The following C11orf68 variants were observed in gnomAD, a reference collection of about 807,000 sequenced individuals.
The protein encoded by C11orf68 is chromosome 11 open reading frame 68.
C11orf68 carries 3 observed loss-of-function variants against 4.7 expected under a neutral mutation model. That is an observed-to-expected ratio of 0.64 (90% CI 0.29 to 1.66). The LOEUF is 1.66. Ranked by LOEUF, C11orf68 falls within the 40% of genes most tolerant of loss-of-function variation. C11orf68 has a pLI of 0.10. For missense variants in C11orf68, 422 were observed against 408.0 expected, an observed-to-expected ratio of 1.03 and a Z score of -0.30; for synonymous variants, 186 against 167.8, an observed-to-expected ratio of 1.11 and a Z score of -0.84.
chr11:65,919,003 G>A lies in C11orf68; in HGVS notation c.29C>T (p.Ala10Val), dbSNP rs1002118650. 1.2e-4 allele frequency: 136 copies of A among 1,153,370 alleles called. No homozygotes were observed. The African/African-American group carries it at 2.0e-3, about 17-fold the overall frequency. The allele number at this position is 1,153,370 out of a possible 1,614,324, so 71.4% of individuals were successfully genotyped here. A position where few individuals can be genotyped will look rare whatever the true frequency, so the allele number is the denominator to read the frequency against. Residue 10 changes from alanine (A) to valine (V), a missense_variant, in exon 1 of 2, where the codon GCG (alanine) becomes GTG (valine). Physicochemically the swap from Ala to Val is moderately conservative, Grantham distance 64. Transcript: ENST00000438576. ...GCCACCGCCACCGCGCCCCACCCCC[G>A]CCACGGCCGCCGCCGCCGCCGCCGC... MAAAAAAAV[A>V]GVGRGGGGAE... is the part of the protein sequence containing the mutation.
chr11:65,917,308 AGTTCAAGGGGAC>A lies in C11orf68; in HGVS notation c.*139_*150del. ...GTGTCAGCCCTGAACAGAGGGCAGA[AGTTCAAGGGGAC>A]TGAAGATGCAGGTAGTTCCCAAGTG... On this transcript the variant is annotated 3_prime_UTR_variant, in exon 2 of 2. Transcript: ENST00000438576. 1.0e-6 allele frequency: 1 copy of A among 967,556 alleles called. No individual in the cohort carries two copies. The highest frequency in any genetic ancestry group is 1.6e-6 in the Non-Finnish European group (1 of 644,840). 59.9% of individuals were successfully genotyped at this position (967,556 alleles called of 1,614,324 possible).
In C11orf68 at chr11:65,917,809, C is replaced by G; in HGVS notation, c.532G>C (p.Gly178Arg). ...SGKWLMHLAPGFKLDHAWAGI... is the reference protein window; with the variant it reads ...SGKWLMHLAPRFKLDHAWAGI... ...GCCCAGGCGTGGTCCAGCTTGAAGCCCGGTGCCAGATGCATAAGCCACTTG... is the reference window on the plus strand; with the variant it reads ...GCCCAGGCGTGGTCCAGCTTGAAGCGCGGTGCCAGATGCATAAGCCACTTG... Residue 178 changes from glycine to arginine, a missense_variant, in exon 2 of 2, where the codon GGC becomes CGC. Transcript: ENST00000438576. 1 of 1,612,146 alleles carries G rather than the reference C, an allele frequency of 6.2e-7. No homozygotes were observed. Among genetic ancestry groups the G allele is most frequent in the Non-Finnish European group, 8.5e-7 (1 of 1,179,886 alleles).
Position 65,917,133 on chromosome 11 carries a change from G to A in C11orf68, c.*326C>T, listed in dbSNP as rs900890787. On this transcript the variant is annotated 3_prime_UTR_variant, in exon 2 of 2. Coordinates refer to ENST00000438576, the MANE Select transcript of C11orf68 (RefSeq NM_001135635.2). Reference sequence around the variant, plus strand: ...AGGGGAGATGCAGGAGGAAGGGGAGGTATAGCGGGGGATGAGCGTTCCAAG... The same window carrying A: ...AGGGGAGATGCAGGAGGAAGGGGAGATATAGCGGGGGATGAGCGTTCCAAG... The A allele has an allele frequency of 6.6e-6, 2 of 302,334 alleles. No homozygotes were observed. Among genetic ancestry groups the A allele is most frequent in the South Asian group, 6.4e-5 (1 of 15,548 alleles). 18.7% of individuals were successfully genotyped at this position (302,334 alleles called of 1,614,324 possible). A position where few individuals can be genotyped will look rare whatever the true frequency, so the allele number is the denominator to read the frequency against.
chr11:65,918,486 A>G, intron 1 of C11orf68: 2 of 416,400 alleles, frequency 4.8e-6, no homozygotes, highest in Non-Finnish European at 8.3e-6. Context: ...GGACTTGCCC[A>G]AGGTCACACC....
chr11:65,918,347 A>G, intron 1 of C11orf68, 129 bp from the exon 2 acceptor site: 1 of 1,110,866 alleles, frequency 9.0e-7, no homozygotes, highest in Middle Eastern at 2.3e-4. Flanking sequence ...ACAATGGGAT[A>G]ACAACTGTTC....
chr11:65,917,368 G>C lies in C11orf68; in HGVS notation c.*91C>G, dbSNP rs1854471185. ...GTGACCTAGGAGTCCCCAGAGCTGG[G>C]GGGTGTGGCCTTCATAGGACAAGGA... On this transcript the variant is annotated 3_prime_UTR_variant, in exon 2 of 2. Transcript: ENST00000438576. The C allele has an allele frequency of 2.0e-6, 3 of 1,473,824 alleles. No individual in the cohort carries two copies. In the Admixed American group the frequency reaches 6.4e-5, roughly 31 times the overall value. The allele number at this position is 1,473,824 out of a possible 1,614,324, so 91.3% of individuals were successfully genotyped here.
In C11orf68 at chr11:65,919,001, C is replaced by A. The variant is rs1474213091; in HGVS notation, c.31G>T (p.Gly11Trp). ...GCGCCACCGCCACCGCGCCCCACCCCCGCCACGGCCGCCGCCGCCGCCGCC... is the reference window on the plus strand; with the variant it reads ...GCGCCACCGCCACCGCGCCCCACCCACGCCACGGCCGCCGCCGCCGCCGCC... MAAAAAAAVA[G>W]VGRGGGGAEP... The change falls in exon 1 of 2, where the codon GGG (glycine) becomes TGG (tryptophan). Residue 11 changes from glycine (G) to tryptophan (W), a missense_variant. Transcript: ENST00000438576. 5.2e-6 allele frequency: 6 copies of A among 1,156,040 alleles called. No individual in the cohort carries two copies. Among genetic ancestry groups the A allele is most frequent in the Non-Finnish European group, 6.3e-6 (6 of 944,984 alleles). The allele number at this position is 1,156,040 out of a possible 1,614,324, so 71.6% of individuals were successfully genotyped here.
chr11:65,918,800 G>A (rs1188651505), intron 1 of C11orf68, 110 bp downstream of exon 1: 3 of 1,007,398 alleles, frequency 3.0e-6, no homozygotes, highest in Non-Finnish European at 3.6e-6. Context: ...GTTAGAGCCT[G>A]CAGGAGAGCC....
In C11orf68 at chr11:65,917,846, G is replaced by T; in HGVS notation, c.495C>A (p.His165Gln). The change falls in exon 2 of 2, where the codon CAC becomes CAA. Residue 165 changes from histidine (H) to glutamine (Q), a missense_variant. By Grantham distance (24) the His-to-Gln change is conservative (BLOSUM62 0). Coordinates refer to ENST00000438576, the MANE Select transcript of C11orf68 (RefSeq NM_001135635.2). Reference sequence around the variant, plus strand: ...GCATAAGCCACTTGCCCGAGAGCACGTGGTGGGTGATGGCGAGCTGGCGCA... The same window carrying T: ...GCATAAGCCACTTGCCCGAGAGCACTTGGTGGGTGATGGCGAGCTGGCGCA... ...GTLRQLAITH[H>Q]VLSGKWLMHL... 1 of 1,611,778 alleles carries T rather than the reference G, an allele frequency of 6.2e-7. No individual in the cohort carries two copies.
rs1161587570 is a variant in C11orf68, at chr11:65,918,976, G to GCGCCAC, written c.50_55dup (p.Gly17_Gly18dup). 142 of 1,184,348 alleles carry GCGCCAC rather than the reference G, an allele frequency of 1.2e-4. No homozygotes were observed. The highest frequency in any genetic ancestry group is 1.4e-4 in the Non-Finnish European group (132 of 959,250). 73.4% of individuals were successfully genotyped at this position (1,184,348 alleles called of 1,614,324 possible). A position where few individuals can be genotyped will look rare whatever the true frequency, so the allele number is the denominator to read the frequency against. ...CCGGCTCCGCTCCTGCCGTGGCTCC[G>GCGCCAC]CGCCACCGCCACCGCGCCCCACCCC... On this transcript the variant is annotated inframe_insertion, in exon 1 of 2. Coordinates refer to ENST00000438576, the MANE Select transcript of C11orf68 (RefSeq NM_001135635.2).
chr11:65,918,722 T>C (rs1854497340), intron 1 of C11orf68, among the ~76,000 whole-genome samples, 188 bp downstream of exon 1: 1 of 152,228 alleles, frequency 6.6e-6, no homozygotes. Flanking sequence ...ACGAGGACGC[T>C]GAAGTCCAGA....
chr11:65,918,767 T>C, intron 1 of C11orf68, 143 bp downstream of exon 1: 1 of 862,500 alleles, frequency 1.2e-6, no homozygotes, highest in Non-Finnish European at 1.4e-6. Flanking sequence ...AATGGGGCGG[T>C]TCCCAGACTC....
chr11:65,917,849 G>T lies in C11orf68; in HGVS notation c.492C>A (p.His164Gln). 3 of 1,611,848 alleles carry T rather than the reference G, an allele frequency of 1.9e-6. No homozygotes were observed. Among genetic ancestry groups the T allele is most frequent in the Non-Finnish European group, 2.5e-6 (3 of 1,179,952 alleles). Residue 164 changes from histidine (H) to glutamine (Q), a missense_variant, in exon 2 of 2, where the codon CAC (histidine) becomes CAA (glutamine). By Grantham distance (24) the His-to-Gln change is conservative. Coordinates refer to ENST00000438576, the MANE Select transcript of C11orf68 (RefSeq NM_001135635.2). ...PGTLRQLAITHHVLSGKWLMH... is the reference protein window; with the variant it reads ...PGTLRQLAITQHVLSGKWLMH... ...TAAGCCACTTGCCCGAGAGCACGTG[G>T]TGGGTGATGGCGAGCTGGCGCAGGG...
chr11:65,918,079 GC>G lies in C11orf68; in HGVS notation c.261del (p.Pro88LeufsTer115). ...DPWLVFDART[T>X]PATELDAWLA... ...AGCCAGGCATCCAGCTCAGTGGCAG[GC>G]GTTGTGCGGGCATCAAACACTAGCC... On this transcript the variant is annotated frameshift_variant, in exon 2 of 2. Coordinates refer to ENST00000438576, the MANE Select transcript of C11orf68 (RefSeq NM_001135635.2). LOFTEE classifies it low-confidence loss of function (END_TRUNC). 6.2e-7 allele frequency: 1 copy of G among 1,611,170 alleles called. No individual in the cohort carries two copies. The highest frequency in any genetic ancestry group is 8.5e-7 in the Non-Finnish European group (1 of 1,178,652).
chr11:65,917,233 G>A lies in C11orf68; in HGVS notation c.*226C>T. The A allele has an allele frequency of 3.5e-6, 2 of 575,010 alleles. No homozygotes were observed. Among genetic ancestry groups the A allele is most frequent in the Admixed American group, 3.2e-5 (1 of 30,816 alleles). The allele number at this position is 575,010 out of a possible 1,614,324, so 35.6% of individuals were successfully genotyped here. On this transcript the variant is annotated 3_prime_UTR_variant, in exon 2 of 2. Transcript: ENST00000438576. ...GAGAGGAGCAGCATTACAAAGGGAG[G>A]CTGAAGGCTCATCCCTCAGGGAACC...
At chr11:65,918,328 C>T in intron 1 of C11orf68, 110 bp from the exon 2 acceptor site, 1 of 1,265,948 alleles carries the variant, frequency 7.9e-7, no homozygotes, top group Non-Finnish European at 1.0e-6. Flanking sequence ...CCTCAGTTGC[C>T]TCATCTTTAC....
At position 65,917,868 on chromosome 11, in the gene C11orf68, C is replaced by T; in HGVS notation, c.473G>A (p.Arg158His). 6.2e-7 allele frequency: 1 copy of T among 1,611,060 alleles called. No homozygotes were observed. The highest frequency in any genetic ancestry group is 8.5e-7 in the Non-Finnish European group (1 of 1,179,964). ...SGRPITPGTL[R>H]QLAITHHVLS... ...CACGTGGTGGGTGATGGCGAGCTGG[C>T]GCAGGGTACCCGGTGTGATGGGCCG... is the stretch of plus-strand genomic sequence containing the variant. Residue 158 changes from arginine to histidine, a missense_variant, in exon 2 of 2, where the codon CGC (arginine) becomes CAC (histidine). Coordinates refer to ENST00000438576, the MANE Select transcript of C11orf68 (RefSeq NM_001135635.2).
At chr11:65,918,827 G>A in intron 1 of C11orf68, 83 bp downstream of exon 1, 3 of 1,076,202 alleles carry the variant, frequency 2.8e-6, no homozygotes, top group South Asian at 5.8e-5. Flanking sequence ...CGGCCGTGCC[G>A]CGCCCGCCGC....
In C11orf68 at chr11:65,918,098, C is replaced by T. The variant is rs1195803666; in HGVS notation, c.243G>A (p.Val81=). 12 of 1,610,454 alleles carry T rather than the reference C, an allele frequency of 7.5e-6. No individual in the cohort carries two copies. The highest frequency in any genetic ancestry group is 1.0e-5 in the Non-Finnish European group (12 of 1,178,268). ...TGGCAGGCGTTGTGCGGGCATCAAACACTAGCCAGGGGTCCATGTCAGCTG... is the reference window on the plus strand; with the variant it reads ...TGGCAGGCGTTGTGCGGGCATCAAATACTAGCCAGGGGTCCATGTCAGCTG... ...AMAADMDPWL[V]FDARTTPATE... Residue 81 remains valine, a synonymous_variant, in exon 2 of 2, where the codon GTG becomes GTA. Transcript: ENST00000438576.
Sources: allele counts gnomAD v4.1 joint callset (sites outside exome capture counted in the v4.1 genomes callset), GRCh38; gene constraint gnomAD v4.1.1; transcripts MANE v1.5; gene names NCBI Gene and HGNC (gene_info 2026-07-23, HGNC 2026-07-21).